Variants in STYX observed in about 807,000 individuals in gnomAD.
STYX encodes serine/threonine/tyrosine interacting protein, also known as serine/threonine/tyrosine-interacting protein.
STYX carries 20 observed loss-of-function variants against 42.7 expected under a neutral mutation model. The ratio of observed to expected loss-of-function variants is 0.47; its 90% CI spans 0.33 to 0.68. STYX has a LOEUF of 0.68. Ranked by LOEUF, STYX falls within the 30% of genes least tolerant of loss-of-function variation. STYX has a pLI of 0.02. For missense variants in STYX, 226 were observed against 268.5 expected, an observed-to-expected ratio of 0.84 and a Z score of 1.11; for synonymous variants, 78 against 81.9, an observed-to-expected ratio of 0.95 and a Z score of 0.26.
rs1209499540 is a variant in STYX at position 52,774,516 on chromosome 14, T to C, written c.*3410T>C. 2 of 151,478 alleles carry C rather than the reference T, an allele frequency of 1.3e-5. No homozygotes were observed. Among genetic ancestry groups the C allele is most frequent in the African/African-American group, 4.9e-5 (2 of 41,200 alleles). The allele number at this position is 151,478 out of a possible 1,614,324, so 9.4% of individuals were successfully genotyped here. A position where few individuals can be genotyped will look rare whatever the true frequency, so the allele number is the denominator to read the frequency against. On this transcript the variant is annotated 3_prime_UTR_variant, in exon 11 of 11. Coordinates refer to ENST00000354586, the MANE Select transcript of STYX (RefSeq NM_145251.4). The stretch of plus-strand genomic sequence containing the variant: ...GCTCCGATAAGGGAATGCTAGAAAA[T>C]AGATGAGAAGTACTGAAAGACCTTT...
At chr14:52,764,589 C>T (rs1299515044) in intron 9 of STYX, among the ~76,000 whole-genome samples, 1 of 148,320 alleles carries the variant, frequency 6.7e-6, no homozygotes, top group East Asian at 2.0e-4. Flanking sequence ...TTTTTTTAAC[C>T]TTCTGCTATA....
intron 1 of STYX, among the ~76,000 whole-genome samples, chr14:52,742,673 A>G (rs1463470071): frequency 6.6e-6 from 1 of 152,224 alleles, no homozygotes; most frequent in African/African-American, 2.4e-5. Context: ...TAAAGCAGAA[A>G]TGAAACAAAA....
At chr14:52,763,817 C>T (rs1882193812) in intron 9 of STYX, among the ~76,000 whole-genome samples, 1 of 152,042 alleles carries the variant, frequency 6.6e-6, no homozygotes, top group African/African-American at 2.4e-5. Flanking sequence ...TGTATTTGTC[C>T]ACTTGATCTG....
intron 2 of STYX, among the ~76,000 whole-genome samples, chr14:52,745,206 C>T (rs1271995928): frequency 3.3e-5 from 5 of 151,728 alleles, no homozygotes; most frequent in African/African-American, 1.2e-4. Flanking sequence ...CCGCAACGTC[C>T]ACCTCCCGGG....
chr14:52,733,944 A>G (rs907168538), intron 1 of STYX, among the ~76,000 whole-genome samples: 4 of 152,126 alleles, frequency 2.6e-5, no homozygotes, highest in African/African-American at 9.7e-5. Context: ...TTGGGTCCAA[A>G]TACCCCCTAG....
intron 1 of STYX, among the ~76,000 whole-genome samples, chr14:52,743,027 C>T (rs1469283560): frequency 6.6e-6 from 1 of 151,552 alleles, no homozygotes; most frequent in Non-Finnish European, 1.5e-5. Flanking sequence ...AATTCCTAAC[C>T]TCAGGTGATC....
In STYX at chr14:52,771,237, C is replaced by G. The variant is rs1594885850; in HGVS notation, c.*131C>G. On this transcript the variant is annotated 3_prime_UTR_variant, in exon 11 of 11. Transcript: ENST00000354586. ...TTACATGTTGCTTCCAGACATACTT[C>G]TCTGCAACTTGTTGAGCAACATTTT... 1.8e-5 allele frequency: 13 copies of G among 717,170 alleles called. No homozygotes were observed. The East Asian group carries it at 3.4e-4, about 19-fold the overall frequency. The allele number at this position is 717,170 out of a possible 1,614,324, so 44.4% of individuals were successfully genotyped here.
intron 4 of STYX, among the ~76,000 whole-genome samples, chr14:52,752,442 C>A (rs748707220): frequency 2.0e-5 from 3 of 151,698 alleles, no homozygotes; most frequent in Non-Finnish European, 4.4e-5. Context: ...TCCAGCCTGG[C>A]GACAGAGCAA....
At chr14:52,770,732 A>G (rs1882479177) in intron 10 of STYX, among the ~76,000 whole-genome samples, 1 of 152,128 alleles carries the variant, frequency 6.6e-6, no homozygotes, top group Non-Finnish European at 1.5e-5. Context: ...TAACTTGATA[A>G]CTAAACATTT....
intron 8 of STYX, among the ~76,000 whole-genome samples, 164 bp from the exon 9 acceptor site, chr14:52,759,518 C>A (rs543334720): frequency 1.3e-5 from 2 of 152,264 alleles, no homozygotes; most frequent in South Asian, 4.1e-4. Flanking sequence ...AGAAGTTGAG[C>A]AAGCTGCCGT....
At chr14:52,759,047 CA>C (rs769301564) in intron 8 of STYX, among the ~76,000 whole-genome samples, 6 of 152,170 alleles carry the variant, frequency 3.9e-5, no homozygotes, top group Non-Finnish European at 8.8e-5. Flanking sequence ...AGCCTCATAA[CA>C]AAAGTAAATA....
intron 8 of STYX, 109 bp downstream of exon 8, chr14:52,758,033 G>A (rs1881943691): frequency 8.0e-7 from 1 of 1,243,928 alleles, no homozygotes; most frequent in Non-Finnish European, 1.1e-6. Context: ...TATTTTTCAT[G>A]TAGTCATGTT....
At chr14:52,760,413 ATGT>A (rs940932272) in intron 9 of STYX, among the ~76,000 whole-genome samples, 9 of 152,140 alleles carry the variant, frequency 5.9e-5, no homozygotes, top group African/African-American at 2.2e-4. Flanking sequence ...TATCTTTTCC[ATGT>A]TGTTTCATAT....
chr14:52,758,438 T>C (rs1369796705), intron 8 of STYX, among the ~76,000 whole-genome samples: 1 of 152,186 alleles, frequency 6.6e-6, no homozygotes, highest in Non-Finnish European at 1.5e-5. Context: ...TTTCTCAGCT[T>C]TTCTTGTTCT....
chr14:52,745,304 G>C (rs950914465), intron 2 of STYX, among the ~76,000 whole-genome samples: 5 of 151,964 alleles, frequency 3.3e-5, no homozygotes, highest in African/African-American at 1.2e-4. Flanking sequence ...ATTTTTAGTA[G>C]AGACAGGGTT....
At chr14:52,731,949 CT>C (rs11354417) in intron 1 of STYX, among the ~76,000 whole-genome samples, 82,810 of 136,214 alleles carry the variant, frequency 0.61, 24,611 homozygotes, top group African/African-American at 0.65. Context: ...GCTAATTTTT[CT>C]TTTTTTTTTT....
In STYX at chr14:52,743,040, C is replaced by G. The variant is rs1263021109; in HGVS notation, c.58-1812C>G. The stretch of plus-strand genomic sequence containing the variant: ...CAAATTCCTAACCTCAGGTGATCCA[C>G]CCGCCTCAGCCTCCCAAAGTGCTGG... On this transcript the variant is annotated intron_variant, in intron 1 of 10. Coordinates refer to ENST00000354586, the MANE Select transcript of STYX (RefSeq NM_145251.4). 3.3e-5 allele frequency among the ~76,000 whole-genome samples: 5 copies of G among 152,028 alleles called. No individual in the cohort carries two copies. The East Asian group carries it at 9.8e-4, about 30-fold the overall frequency.
At position 52,757,370 on chromosome 14, in the gene STYX, CT is replaced by C; in HGVS notation, c.340+18del. The C allele has an allele frequency of 1.3e-6, 2 of 1,581,850 alleles. No individual in the cohort carries two copies. The highest frequency in any genetic ancestry group is 2.3e-5 in the East Asian group (1 of 44,326). On this transcript the variant is annotated intron_variant, in intron 6 of 10. Coordinates refer to ENST00000354586, the MANE Select transcript of STYX (RefSeq NM_145251.4). The stretch of plus-strand genomic sequence containing the variant: ...ACAAATGGGAGGTAAATAACATTTC[CT>C]TTCCTTAACTAATGTTTATATTTTG...
intron 1 of STYX, among the ~76,000 whole-genome samples, chr14:52,744,030 C>T (rs950014926): frequency 6.6e-6 from 1 of 152,216 alleles, no homozygotes; most frequent in Middle Eastern, 3.4e-3. Flanking sequence ...CACCCTGTTT[C>T]CCAGGCTGGT....
Sources: allele counts gnomAD v4.1 joint callset (sites outside exome capture counted in the v4.1 genomes callset), GRCh38; gene constraint gnomAD v4.1.1; transcripts MANE v1.5; gene names NCBI Gene and HGNC (gene_info 2026-07-23, HGNC 2026-07-21).